Variants in CDH12 observed in about 807,000 individuals in gnomAD.
The protein encoded by CDH12 is cadherin-12.
In CDH12, 41 loss-of-function variants were observed where a neutral mutation model predicts 74.1. That is an observed-to-expected ratio of 0.55 (90% CI 0.43 to 0.72). The LOEUF is 0.72. Ranked by LOEUF, CDH12 falls within the 30% of genes least tolerant of loss-of-function variation. The pLI, the probability that CDH12 is intolerant of heterozygous loss-of-function variation, is 0.00. For synonymous variants in CDH12, 399 were observed against 355.0 expected, an observed-to-expected ratio of 1.12 and a Z score of -1.39; for missense variants, 945 against 977.2, an observed-to-expected ratio of 0.97 and a Z score of 0.44.
At chr5:22,599,948 C>T (rs965649016) in intron 1 of CDH12, among the ~76,000 whole-genome samples, 1 of 152,172 alleles carries the variant, frequency 6.6e-6, no homozygotes, top group Non-Finnish European at 1.5e-5. Context: ...CAGCCACATA[C>T]TGCATGTTTG....
intron 3 of CDH12, among the ~76,000 whole-genome samples, chr5:22,353,211 A>T (rs1450519132): frequency 6.6e-6 from 1 of 152,226 alleles, no homozygotes; most frequent in Non-Finnish European, 1.5e-5. Context: ...CACATAATTG[A>T]TTTTAAAATT....
chr5:22,561,379 T>C (rs896830228), intron 1 of CDH12, among the ~76,000 whole-genome samples: 1 of 152,168 alleles, frequency 6.6e-6, no homozygotes, highest in Non-Finnish European at 1.5e-5. Flanking sequence ...GTGGTGAATA[T>C]TCTAACCTAA....
chr5:21,957,371 A>T (rs1457951526), intron 6 of CDH12, among the ~76,000 whole-genome samples: 4 of 152,146 alleles, frequency 2.6e-5, no homozygotes, highest in Non-Finnish European at 4.4e-5. Flanking sequence ...TGCTGCAATG[A>T]ACATTTGTGT....
chr5:22,752,278 GA>G lies in CDH12; in HGVS notation c.-523+100779del, dbSNP rs200493931. On this transcript the variant is annotated intron_variant, in intron 1 of 14. Coordinates refer to ENST00000382254, the MANE Select transcript of CDH12 (RefSeq NM_004061.5). ...CATTTTTAATATGGAAAAATTATAA[GA>G]AAAAAACCCTTAATGTACATGTATT... 5.8e-3 allele frequency among the ~76,000 whole-genome samples: 878 copies of G among 151,718 alleles called. 9 individuals carry two copies. The highest frequency in any genetic ancestry group is 0.02 in the African/African-American group (840 of 41,422).
In CDH12 at chr5:22,813,866, A is replaced by C. The variant is rs375147288; in HGVS notation, c.-523+39192T>G. Among the ~76,000 whole-genome samples the C allele has an allele frequency of 8.5e-4, 129 of 152,288 alleles. 2 individuals are homozygous for C. In the South Asian group the frequency reaches 0.026, roughly 31 times the overall value. On this transcript the variant is annotated intron_variant, in intron 1 of 14. Coordinates refer to ENST00000382254, the MANE Select transcript of CDH12 (RefSeq NM_004061.5). The stretch of plus-strand genomic sequence containing the variant: ...AAGCTCTCACCAATATCTTGATTGC[A>C]GCTTTCTGACACTCTGCAGCAAAGG...
intron 1 of CDH12, among the ~76,000 whole-genome samples, chr5:22,567,306 C>T (rs140144214): frequency 7.2e-4 from 109 of 152,234 alleles, no homozygotes; most frequent in Middle Eastern, 3.4e-3. Context: ...AACAATTAAC[C>T]TGGAAACCCA....
intron 1 of CDH12, among the ~76,000 whole-genome samples, chr5:22,641,486 C>G (rs568852399): frequency 6.6e-6 from 1 of 152,234 alleles, no homozygotes; most frequent in Admixed American, 6.5e-5. Context: ...GAATCACACA[C>G]CAATCTCCTC....
chr5:21,775,622 G>T (rs990665024), intron 11 of CDH12, among the ~76,000 whole-genome samples: 1 of 151,866 alleles, frequency 6.6e-6, no homozygotes, highest in Non-Finnish European at 1.5e-5. Flanking sequence ...ACCTAGAATG[G>T]CATCCTTCCT....
chr5:22,087,372 G>T (rs978144302), intron 4 of CDH12, among the ~76,000 whole-genome samples: 1 of 152,078 alleles, frequency 6.6e-6, no homozygotes, highest in African/African-American at 2.4e-5. Flanking sequence ...GGGTGTGATG[G>T]CTCACACCTC....
intron 6 of CDH12, among the ~76,000 whole-genome samples, chr5:21,896,103 C>G (rs1459302165): frequency 6.6e-6 from 1 of 152,162 alleles, no homozygotes; most frequent in Non-Finnish European, 1.5e-5. Flanking sequence ...GGTTTGAATG[C>G]TGAACTCTGG....
chr5:22,127,551 G>A (rs953073060), intron 4 of CDH12, among the ~76,000 whole-genome samples: 2 of 151,054 alleles, frequency 1.3e-5, no homozygotes, highest in Admixed American at 1.3e-4. Context: ...GGTCAGGACA[G>A]GAATCCAGGA....
intron 6 of CDH12, among the ~76,000 whole-genome samples, chr5:21,907,805 C>A (rs1753706405): frequency 6.6e-6 from 1 of 152,104 alleles, no homozygotes; most frequent in Non-Finnish European, 1.5e-5. Context: ...GATTATCTGC[C>A]CAGACTTGGT....
At chr5:22,761,731 T>G (rs12697607) in intron 1 of CDH12, among the ~76,000 whole-genome samples, 74,671 of 152,014 alleles carry the variant, frequency 0.49, 18,356 homozygotes, top group East Asian at 0.55. Flanking sequence ...CCTTAAATGG[T>G]GATTTAAAAT....
chr5:22,290,422 C>T (rs181292843), intron 3 of CDH12, among the ~76,000 whole-genome samples: 1 of 151,924 alleles, frequency 6.6e-6, no homozygotes, highest in Admixed American at 6.5e-5. Flanking sequence ...ATGACCAAAA[C>T]GAGATATTTA....
intron 4 of CDH12, among the ~76,000 whole-genome samples, chr5:22,180,487 GA>G (rs67061250): frequency 0.33 from 47,925 of 146,404 alleles, 7,836 homozygotes; most frequent in South Asian, 0.4. Context: ...CACAGTTTTT[GA>G]TTTTTTTTTG....
chr5:22,599,323 T>TA (rs199629395), intron 1 of CDH12, among the ~76,000 whole-genome samples: 3,965 of 152,144 alleles, frequency 0.026, 77 homozygotes, highest in Non-Finnish European at 0.037. Context: ...ACACTGGTAG[T>TA]AAAAAATACC....
rs1746141105 is a variant in CDH12 at position 22,475,802 on chromosome 5, T to C, written c.-428+29468A>G. ...ATCTTTCCCAAGAAACAAGATATTCTAAATGCAAATTTTGAATTACTTTTA... is the reference window on the plus strand; with the variant it reads ...ATCTTTCCCAAGAAACAAGATATTCCAAATGCAAATTTTGAATTACTTTTA... On this transcript the variant is annotated intron_variant, in intron 2 of 14. Transcript: ENST00000382254. 1.3e-5 allele frequency among the ~76,000 whole-genome samples: 2 copies of C among 152,200 alleles called. 1 individual carries two copies. Among genetic ancestry groups the C allele is most frequent in the South Asian group, 4.1e-4 (2 of 4,830 alleles).
chr5:22,673,450 T>C (rs1741008105), intron 1 of CDH12, among the ~76,000 whole-genome samples: 1 of 152,172 alleles, frequency 6.6e-6, no homozygotes, highest in African/African-American at 2.4e-5. Flanking sequence ...GCTTGATTAA[T>C]GTTAACTTTG....
chr5:21,751,793 C>T lies in CDH12; in HGVS notation c.2329G>A (p.Val777Ile). 1 of 1,614,054 alleles carries T rather than the reference C, an allele frequency of 6.2e-7. No homozygotes were observed. The highest frequency in any genetic ancestry group is 8.5e-7 in the Non-Finnish European group (1 of 1,180,008). ...YLTDWGPRFKVLADMFGEEES... is the reference protein window; with the variant it reads ...YLTDWGPRFKILADMFGEEES... The stretch of plus-strand genomic sequence containing the variant: ...TCTTCGCCAAACATGTCTGCCAAGA[C>T]TTTAAAGCGGGGTCCCCAGTCTGTC... Residue 777 changes from valine (V) to isoleucine (I), a missense_variant, in exon 15 of 15, where the codon GTC becomes ATC. Val to Ile is a conservative substitution (Grantham distance 29). Around this residue, in one of 3 missense-constraint regions of CDH12, gnomAD observed 791 missense variants for 792.8 expected, o/e 1.00. Coordinates refer to ENST00000382254, the MANE Select transcript of CDH12 (RefSeq NM_004061.5).
Sources: allele counts gnomAD v4.1 joint callset (sites outside exome capture counted in the v4.1 genomes callset), GRCh38; gene constraint gnomAD v4.1.1; regional missense constraint gnomAD v4.1.1; transcripts MANE v1.5; gene names NCBI Gene and HGNC (gene_info 2026-07-23, HGNC 2026-07-21).